The following ZXDC variants were observed in gnomAD, a reference collection of about 807,000 sequenced individuals.
ZXDC encodes the protein zinc finger protein ZXDC.
In ZXDC, 58 loss-of-function variants were observed where a neutral mutation model predicts 63.6. The ratio of observed to expected loss-of-function variants is 0.91; its 90% CI spans 0.74 to 1.13. The LOEUF (loss-of-function observed/expected upper bound fraction) is 1.13. Ranked by LOEUF, ZXDC falls within the 50% of genes most tolerant of loss-of-function variation. ZXDC has a pLI of 0.00. For synonymous variants in ZXDC, 561 were observed against 496.1 expected, an observed-to-expected ratio of 1.13 and a Z score of -1.74; for missense variants, 1,133 against 1,148.9, an observed-to-expected ratio of 0.99 and a Z score of 0.20.
chr3:126,462,274 C>G, intron 5 of ZXDC, 54 bp from the exon 6 acceptor site: 1 of 1,524,292 alleles, frequency 6.6e-7, no homozygotes, highest in South Asian at 1.3e-5. Context: ...AGACTGAGTA[C>G]TTTTGTTTAT....
At chr3:126,452,940 G>T in intron 7 of ZXDC, 2 of 827,360 alleles carry the variant, frequency 2.4e-6, no homozygotes, top group Non-Finnish European at 2.9e-6. Context: ...GTCTTACCAC[G>T]TTGCCCAGGC....
At chr3:126,463,971 G>A (rs1038306459) in intron 5 of ZXDC, among the ~76,000 whole-genome samples, 4 of 152,092 alleles carry the variant, frequency 2.6e-5, no homozygotes, top group Non-Finnish European at 4.4e-5. Context: ...ATATCCCTTA[G>A]TACCAATGAA....
intron 5 of ZXDC, among the ~76,000 whole-genome samples, chr3:126,464,454 C>T (rs544798254): frequency 6.6e-6 from 1 of 152,256 alleles, no homozygotes; most frequent in African/African-American, 2.4e-5. Flanking sequence ...TGGGTGTTCT[C>T]GAGTGCCTGT....
At chr3:126,444,324 A>G (rs558041955) in intron 7 of ZXDC, among the ~76,000 whole-genome samples, 4 of 152,324 alleles carry the variant, frequency 2.6e-5, no homozygotes, top group African/African-American at 9.6e-5. Context: ...CAAGGTCAGG[A>G]GATCGAGACC....
chr3:126,450,251 G>A (rs1335303253), intron 7 of ZXDC: 10 of 442,372 alleles, frequency 2.3e-5, no homozygotes, highest in African/African-American at 1.0e-4. Flanking sequence ...CCTTGGATGC[G>A]TAAGGGTCAG....
chr3:126,471,176 T>G (rs1407162226), intron 3 of ZXDC, 151 bp from the exon 4 acceptor site: 1 of 1,181,760 alleles, frequency 8.5e-7, no homozygotes, highest in Non-Finnish European at 1.2e-6. Flanking sequence ...TTAATCCATG[T>G]GAGCAGATTT....
chr3:126,454,971 A>G, intron 7 of ZXDC: 9 of 985,462 alleles, frequency 9.1e-6, no homozygotes, highest in Non-Finnish European at 1.1e-5. Context: ...CAGACTGTAC[A>G]TTTCCTAAGA....
At chr3:126,439,589 C>G in intron 9 of ZXDC, 43 bp downstream of exon 9, 1 of 1,551,116 alleles carries the variant, frequency 6.4e-7, no homozygotes, top group African/African-American at 1.4e-5. Context: ...GAAGGCTCTG[C>G]GAGTCTCAAT....
At chr3:126,471,137 G>C in intron 3 of ZXDC, 112 bp from the exon 4 acceptor site, 1 of 1,394,482 alleles carries the variant, frequency 7.2e-7, no homozygotes, top group Non-Finnish European at 9.6e-7. Context: ...AAAATGATCA[G>C]TACATTTCGG....
Position 126,459,813 on chromosome 3 carries a change from A to G in ZXDC, c.2128-76T>C, listed in dbSNP as rs879175192. 162 of 1,611,056 alleles carry G rather than the reference A, an allele frequency of 1.0e-4. 2 individuals are homozygous for G. In the South Asian group the frequency reaches 1.7e-3, roughly 16 times the overall value. The stretch of plus-strand genomic sequence containing the variant: ...GTAGCAAGGGAGCTACAGAAGTGCC[A>G]TAAGCCTGCTTCTGGGACATATCCG... On this transcript the variant is annotated intron_variant, in intron 6 of 9. Transcript: ENST00000389709.
At chr3:126,441,590 G>T in intron 8 of ZXDC, 175 bp downstream of exon 8, 1 of 1,343,474 alleles carries the variant, frequency 7.4e-7, no homozygotes. Context: ...AAAAAGGGAG[G>T]AGCTGGGCTG....
chr3:126,461,935 G>C lies in ZXDC; in HGVS notation c.1727C>G (p.Pro576Arg), dbSNP rs772405197. The change falls in exon 6 of 10, where the codon CCA becomes CGA. Residue 576 changes from proline (P) to arginine (R), a missense_variant. Pro to Arg is a moderately radical substitution (Grantham distance 103). Transcript: ENST00000389709. ...LVLVAHSDIP[P>R]SLDSPLVLGT... ...GAGAACCAGAGGGCTGTCCAGGCTT[G>C]GGGGAATATCACTGTGGGCCACCAG... 1 of 1,614,186 alleles carries C rather than the reference G, an allele frequency of 6.2e-7. No homozygotes were observed. The highest frequency in any genetic ancestry group is 8.5e-7 in the Non-Finnish European group (1 of 1,180,042).
chr3:126,471,829 T>C (rs1934991918), intron 3 of ZXDC, 144 bp downstream of exon 3: 2 of 636,132 alleles, frequency 3.1e-6, no homozygotes, highest in African/African-American at 1.9e-5. Context: ...TTTTTACAGT[T>C]TTCTGAATTT....
At chr3:126,445,917 A>G (rs777828626) in intron 7 of ZXDC, among the ~76,000 whole-genome samples, 1 of 152,226 alleles carries the variant, frequency 6.6e-6, no homozygotes, top group Non-Finnish European at 1.5e-5. Flanking sequence ...CTAAGCAAGT[A>G]TGTTTATCTA....
chr3:126,453,505 A>ATAGT, intron 7 of ZXDC: 2 of 985,454 alleles, frequency 2.0e-6, no homozygotes, highest in Non-Finnish European at 2.4e-6. Context: ...GTAATACATA[A>ATAGT]TAGTTGGCTT....
At chr3:126,453,492 A>T (rs1934190077) in intron 7 of ZXDC, 1 of 985,338 alleles carries the variant, frequency 1.0e-6, no homozygotes, top group Admixed American at 6.1e-5. Context: ...TGTTCCATAT[A>T]CAGTAATACA....
intron 7 of ZXDC, among the ~76,000 whole-genome samples, chr3:126,449,094 G>C (rs1029227378): frequency 3.9e-5 from 6 of 152,190 alleles, no homozygotes; most frequent in Non-Finnish European, 8.8e-5. Flanking sequence ...CCCCATCCTA[G>C]AGGTCAGCAG....
At chr3:126,440,578 C>T (rs1933638534) in intron 8 of ZXDC, 2 of 986,148 alleles carry the variant, frequency 2.0e-6, no homozygotes, top group Non-Finnish European at 2.4e-6. Flanking sequence ...CTGGTCCTGA[C>T]TCTGTACCTC....
At chr3:126,467,216 C>T (rs569091099) in intron 4 of ZXDC, among the ~76,000 whole-genome samples, 3 of 152,224 alleles carry the variant, frequency 2.0e-5, no homozygotes, top group Non-Finnish European at 4.4e-5. Context: ...GTGCTCCTGC[C>T]GCAGGAGCTG....
Sources: allele counts gnomAD v4.1 joint callset (sites outside exome capture counted in the v4.1 genomes callset), GRCh38; gene constraint gnomAD v4.1.1; transcripts MANE v1.5; gene names NCBI Gene and HGNC (gene_info 2026-07-23, HGNC 2026-07-21).